SRFBP1: variants seen among roughly 807,000 people sequenced by gnomAD.
The protein encoded by SRFBP1 is serum response factor binding protein 1.
In SRFBP1, 47 loss-of-function variants were observed where a neutral mutation model predicts 45.5. The observed-to-expected ratio is 1.03, with a 90% confidence interval of 0.82 to 1.32. SRFBP1 has a LOEUF of 1.32. Ranked by LOEUF, SRFBP1 falls within the 40% of genes most tolerant of loss-of-function variation. The probability of loss-of-function intolerance (pLI) is 0.00; values close to 1 mark genes in which losing one functional copy is unlikely to be tolerated. For synonymous variants in SRFBP1, 203 were observed against 166.3 expected, an observed-to-expected ratio of 1.22 and a Z score of -1.70; for missense variants, 621 against 484.6, an observed-to-expected ratio of 1.28 and a Z score of -2.64.
intron 3 of SRFBP1, among the ~76,000 whole-genome samples, chr5:121,985,811 G>A (rs1158294551): frequency 6.6e-6 from 1 of 151,800 alleles, no homozygotes; most frequent in Non-Finnish European, 1.5e-5. Context: ...TTTTTGTGGG[G>A]GGTTGGGGGA....
At chr5:121,971,415 G>T (rs1375682160) in intron 1 of SRFBP1, among the ~76,000 whole-genome samples, 2 of 151,898 alleles carry the variant, frequency 1.3e-5, no homozygotes, top group Admixed American at 6.6e-5. Flanking sequence ...TAAAAGGATT[G>T]TTCCATTCTC....
At chr5:122,048,967 T>C (rs1306215988) in intron 2 of SRFBP1, among the ~76,000 whole-genome samples, 2 of 152,156 alleles carry the variant, frequency 1.3e-5, no homozygotes, top group African/African-American at 4.8e-5. Flanking sequence ...TAGCGGTCTA[T>C]CAATTTTGTT....
chr5:122,003,429 T>C (rs1580520176), intron 4 of SRFBP1, among the ~76,000 whole-genome samples: 2 of 152,158 alleles, frequency 1.3e-5, no homozygotes, highest in East Asian at 3.8e-4. Context: ...AATGACACGT[T>C]GAACAGAATA....
At chr5:122,025,615 C>G (rs1026317065) in intron 7 of SRFBP1, among the ~76,000 whole-genome samples, 1 of 152,192 alleles carries the variant, frequency 6.6e-6, no homozygotes, top group African/African-American at 2.4e-5. Context: ...ACATCCTCTA[C>G]AGTTTTTTTT....
In SRFBP1 at chr5:122,020,500, A is replaced by G. The variant is rs1379983382; in HGVS notation, c.765A>G (p.Glu255=). The change falls in exon 6 of 8, where the codon GAA becomes GAG. Residue 255 remains glutamate, a synonymous_variant. Coordinates refer to ENST00000339397, the MANE Select transcript of SRFBP1 (RefSeq NM_152546.3). ...GTGATGGCGGAGAAGAATTTTGTGA[A>G]GAGGAGAAGGAATATTTTGATGATA... ...GNSDGGEEFC[E]EEKEYFDDST... is the part of the protein sequence containing the mutation. The G allele has an allele frequency of 1.2e-6, 2 of 1,614,038 alleles. No homozygotes were observed. Among genetic ancestry groups the G allele is most frequent in the African/African-American group, 1.3e-5 (1 of 74,936 alleles).
intron 3 of SRFBP1, among the ~76,000 whole-genome samples, chr5:121,977,436 C>T (rs981249325): frequency 4.6e-5 from 7 of 151,946 alleles, no homozygotes; most frequent in South Asian, 2.1e-4. Context: ...GCTGTTCTTA[C>T]GTGTCAAATT....
intron 2 of SRFBP1, among the ~76,000 whole-genome samples, chr5:122,038,700 A>G (rs1190717744): frequency 1.3e-5 from 2 of 152,218 alleles, no homozygotes; most frequent in African/African-American, 4.8e-5. Context: ...GGCAGGCTTG[A>G]AAACTTTATT....
chr5:121,999,208 C>T (rs1221345511), intron 4 of SRFBP1, among the ~76,000 whole-genome samples: 1 of 152,002 alleles, frequency 6.6e-6, no homozygotes, highest in African/African-American at 2.4e-5. Flanking sequence ...TTTTAAATTT[C>T]CTTTGAACCC....
downstream of SRFBP1, among the ~76,000 whole-genome samples, chr5:122,033,167 T>G (rs1355770560): frequency 6.7e-6 from 1 of 149,710 alleles, no homozygotes; most frequent in Non-Finnish European, 1.5e-5. Context: ...CTGGTGAGGG[T>G]TTTTTTTTCC....
chr5:122,074,794 C>A (rs563455907), intron 2 of SRFBP1, among the ~76,000 whole-genome samples: 1 of 152,136 alleles, frequency 6.6e-6, no homozygotes, highest in African/African-American at 2.4e-5. Flanking sequence ...AAGGAAAAAA[C>A]AATGAGGACT....
intron 3 of SRFBP1, among the ~76,000 whole-genome samples, chr5:121,987,026 A>T (rs1752531996): frequency 6.6e-6 from 1 of 152,122 alleles, no homozygotes. Context: ...CCAAACTGAA[A>T]GTTTGACTTC....
chr5:122,009,263 A>C (rs1040923201), intron 4 of SRFBP1, among the ~76,000 whole-genome samples: 7 of 151,912 alleles, frequency 4.6e-5, no homozygotes, highest in Non-Finnish European at 1.0e-4. Context: ...GATTTATACG[A>C]GTTCTTTAGA....
At chr5:122,030,914 TA>T (rs1260150313), downstream of SRFBP1, among the ~76,000 whole-genome samples, 3 of 152,152 alleles carry the variant, frequency 2.0e-5, no homozygotes, top group Non-Finnish European at 4.4e-5. Context: ...AGTTATGACA[TA>T]TTTTTTTGGA....
chr5:122,001,850 C>T (rs1030617872), intron 4 of SRFBP1, among the ~76,000 whole-genome samples: 9 of 152,152 alleles, frequency 5.9e-5, no homozygotes, highest in Admixed American at 3.3e-4. Context: ...CGTGAGCCAC[C>T]GCGCCCGGCC....
chr5:122,049,070 A>G (rs954547042), intron 2 of SRFBP1, among the ~76,000 whole-genome samples: 2 of 151,566 alleles, frequency 1.3e-5, no homozygotes, highest in Non-Finnish European at 2.9e-5. Context: ...GATCTTAGTT[A>G]TTTCTTGTCT....
At chr5:122,053,091 G>A (rs1754017406) in intron 2 of SRFBP1, among the ~76,000 whole-genome samples, 1 of 152,068 alleles carries the variant, frequency 6.6e-6, no homozygotes, top group South Asian at 2.1e-4. Context: ...GCTTAGGCAG[G>A]CCCCACAGTT....
chr5:121,969,664 T>C (rs1752147896), intron 1 of SRFBP1, among the ~76,000 whole-genome samples: 1 of 152,144 alleles, frequency 6.6e-6, no homozygotes, highest in South Asian at 2.1e-4. Flanking sequence ...TCAGTACATA[T>C]ATATTCGCTG....
intron 5 of SRFBP1, among the ~76,000 whole-genome samples, chr5:122,019,773 A>G (rs1465813505): frequency 6.6e-6 from 1 of 151,914 alleles, no homozygotes; most frequent in African/African-American, 2.4e-5. Context: ...CATTATTATT[A>G]TATAAATTAA....
At position 122,020,612 on chromosome 5, in the gene SRFBP1, A is replaced by G; in HGVS notation, c.877A>G (p.Thr293Ala). The change falls in exon 6 of 8, where the codon ACA becomes GCA. Residue 293 changes from threonine (T) to alanine (A), a missense_variant. Coordinates refer to ENST00000339397, the MANE Select transcript of SRFBP1 (RefSeq NM_152546.3). ...DDFFIGKVRRTRKKESSCHSS... is the reference protein window; with the variant it reads ...DDFFIGKVRRARKKESSCHSS... ...CTTCTTCATTGGGAAAGTCAGACGG[A>G]CACGAAAGAAGGAAAGTAGTTGTCA... 1 of 1,613,854 alleles carries G rather than the reference A, an allele frequency of 6.2e-7. No individual in the cohort carries two copies. Among genetic ancestry groups the G allele is most frequent in the Non-Finnish European group, 8.5e-7 (1 of 1,179,928 alleles).
Sources: allele counts gnomAD v4.1 joint callset (sites outside exome capture counted in the v4.1 genomes callset), GRCh38; gene constraint gnomAD v4.1.1; transcripts MANE v1.5; gene names NCBI Gene and HGNC (gene_info 2026-07-23, HGNC 2026-07-21).